Variants in PDLIM5 observed in about 807,000 individuals in gnomAD.
PDLIM5 encodes the protein PDZ and LIM domain protein 5.
Under a neutral mutation model 64.2 loss-of-function variants are expected in PDLIM5, and 34 were observed. That is an observed-to-expected ratio of 0.53 (90% CI 0.40 to 0.71). The LOEUF (loss-of-function observed/expected upper bound fraction) is 0.71, where lower values mean the gene tolerates loss of function less well. Ranked by LOEUF, PDLIM5 falls within the 30% of genes least tolerant of loss-of-function variation. The probability of loss-of-function intolerance (pLI) is 0.00; values close to 1 mark genes in which losing one functional copy is unlikely to be tolerated. For synonymous variants in PDLIM5, 253 were observed against 269.1 expected (o/e 0.94, Z 0.59); for missense variants, 683 against 733.6 (o/e 0.93, Z 0.80).
rs184568114 is a variant in PDLIM5 at position 94,645,216 on chromosome 4, A to G, written c.1283+4766A>G. Among the ~76,000 whole-genome samples the G allele has an allele frequency of 4.3e-3, 651 of 152,288 alleles. 2 individuals carry two copies. The highest frequency in any genetic ancestry group is 0.015 in the South Asian group (73 of 4,826). ...TACTTCACTTAGAATAGTAGTTTCTAGTTCCATCCAGGTTGCTGTGAATGC... is the reference window on the plus strand; with the variant it reads ...TACTTCACTTAGAATAGTAGTTTCTGGTTCCATCCAGGTTGCTGTGAATGC... On this transcript the variant is annotated intron_variant, in intron 9 of 12. Transcript: ENST00000317968.
chr4:94,620,324 A>G (rs1369713719), intron 8 of PDLIM5, among the ~76,000 whole-genome samples: 1 of 152,162 alleles, frequency 6.6e-6, no homozygotes, highest in Non-Finnish European at 1.5e-5. Context: ...ACTTGAGCCC[A>G]GGAGTTTGAG....
intron 7 of PDLIM5, among the ~76,000 whole-genome samples, chr4:94,603,702 TGA>T (rs1737683632): frequency 1.3e-5 from 2 of 152,204 alleles, no homozygotes; most frequent in African/African-American, 4.8e-5. Flanking sequence ...CGCGCGTGTG[TGA>T]GTGTGCTGGG....
chr4:94,610,229 C>T, intron 7 of PDLIM5: 1 of 1,514,952 alleles, frequency 6.6e-7, no homozygotes, highest in Non-Finnish European at 8.8e-7. Context: ...ACCTTCTCTT[C>T]TCCTGCTAGA....
chr4:94,610,912 C>CA (rs1005912045), intron 7 of PDLIM5, among the ~76,000 whole-genome samples: 2 of 152,050 alleles, frequency 1.3e-5, no homozygotes, highest in African/African-American at 4.8e-5. Flanking sequence ...TATCTTCTTT[C>CA]ATCCTCCTTT....
intron 7 of PDLIM5, chr4:94,588,022 A>G: frequency 1.1e-6 from 1 of 947,064 alleles, no homozygotes; most frequent in Non-Finnish European, 1.3e-6. Flanking sequence ...ATGACCAGAA[A>G]TGCTTTCTGC....
intron 9 of PDLIM5, among the ~76,000 whole-genome samples, chr4:94,653,096 G>A (rs1338351425): frequency 6.6e-6 from 1 of 152,082 alleles, no homozygotes; most frequent in Non-Finnish European, 1.5e-5. Context: ...GGTGTCTGAT[G>A]CTTACCAACA....
At chr4:94,616,736 A>T (rs546231958) in intron 7 of PDLIM5, among the ~76,000 whole-genome samples, 2 of 152,372 alleles carry the variant, frequency 1.3e-5, no homozygotes, top group South Asian at 4.1e-4. Context: ...ATCAAAAATA[A>T]TAAAAGCTGA....
intron 3 of PDLIM5, among the ~76,000 whole-genome samples, chr4:94,568,583 A>G (rs571349553): frequency 2.0e-5 from 3 of 152,094 alleles, no homozygotes; most frequent in African/African-American, 4.8e-5. Flanking sequence ...TTTTTTCTTT[A>G]AAAGATTCTG....
intron 2 of PDLIM5, among the ~76,000 whole-genome samples, chr4:94,473,267 A>G (rs1725035899): frequency 6.6e-6 from 1 of 151,868 alleles, no homozygotes; most frequent in Non-Finnish European, 1.5e-5. Context: ...TATTTTTTTT[A>G]TTTTTATTTT....
At chr4:94,472,198 T>C (rs1724945886) in intron 2 of PDLIM5, among the ~76,000 whole-genome samples, 1 of 151,954 alleles carries the variant, frequency 6.6e-6, no homozygotes, top group African/African-American at 2.4e-5. Flanking sequence ...CCTGTAGGTT[T>C]GGATTGAATT....
At chr4:94,463,430 A>G (rs1724072014) in intron 2 of PDLIM5, among the ~76,000 whole-genome samples, 3 of 152,132 alleles carry the variant, frequency 2.0e-5, no homozygotes, top group Admixed American at 1.3e-4. Flanking sequence ...CTTAGAATAA[A>G]ATAAGCTAGA....
intron 3 of PDLIM5, among the ~76,000 whole-genome samples, chr4:94,558,031 T>C (rs934955631): frequency 6.6e-6 from 1 of 152,084 alleles, no homozygotes. Flanking sequence ...CAGTATGATA[T>C]TGGCTGTGAG....
chr4:94,585,838 T>C, intron 6 of PDLIM5, 101 bp downstream of exon 6: 1 of 888,566 alleles, frequency 1.1e-6, no homozygotes, highest in Non-Finnish European at 1.8e-6. Context: ...CCCGAGACAG[T>C]TTGCTTTTAA....
At chr4:94,635,157 A>G (rs1289243775) in intron 8 of PDLIM5, among the ~76,000 whole-genome samples, 1 of 152,188 alleles carries the variant, frequency 6.6e-6, no homozygotes, top group Non-Finnish European at 1.5e-5. Flanking sequence ...GTTTGGAGAG[A>G]AGCTAATGGA....
At chr4:94,614,640 C>T (rs1237284870) in intron 7 of PDLIM5, among the ~76,000 whole-genome samples, 1 of 152,052 alleles carries the variant, frequency 6.6e-6, no homozygotes, top group African/African-American at 2.4e-5. Context: ...GGAAAAACTG[C>T]CTTGGTAATA....
rs1001702148 is a variant in PDLIM5 at position 94,502,647 on chromosome 4, T to C, written c.97-21077T>C. On this transcript the variant is annotated intron_variant, in intron 2 of 12. Coordinates refer to ENST00000317968, the MANE Select transcript of PDLIM5 (RefSeq NM_006457.5). ...ATCCCAGCACTTTGGGAAGCCGAGG[T>C]GGGTGGATCTTTTGAGGTCAGGAGT... is the stretch of plus-strand genomic sequence containing the variant. 4.6e-5 allele frequency among the ~76,000 whole-genome samples: 7 copies of C among 151,958 alleles called. No homozygotes were observed. In the Middle Eastern group the frequency reaches 0.01, roughly 222 times the overall value.
At chr4:94,485,341 G>A (rs1177510100) in intron 2 of PDLIM5, among the ~76,000 whole-genome samples, 2 of 152,078 alleles carry the variant, frequency 1.3e-5, no homozygotes, top group Admixed American at 6.6e-5. Context: ...TGTTAGCACC[G>A]TAGGATTCTG....
At chr4:94,611,427 A>C (rs1738356891) in intron 7 of PDLIM5, among the ~76,000 whole-genome samples, 1 of 152,218 alleles carries the variant, frequency 6.6e-6, no homozygotes, top group Non-Finnish European at 1.5e-5. Flanking sequence ...TTTCCTTAGC[A>C]TACTTGATGT....
chr4:94,575,346 C>T (rs1735155630), intron 4 of PDLIM5, among the ~76,000 whole-genome samples: 1 of 152,098 alleles, frequency 6.6e-6, no homozygotes. Context: ...GATAGTTTTC[C>T]TGCTGTATTT....
Sources: gnomAD v4.1 joint callset for allele counts (sites outside exome capture counted in the v4.1 genomes callset) on GRCh38, gnomAD v4.1.1 for gene constraint, MANE v1.5 for transcripts, NCBI Gene and HGNC (gene_info 2026-07-23, HGNC 2026-07-21) for gene names.